PSMD9: variants seen among roughly 807,000 people sequenced by gnomAD.
PSMD9 encodes proteasome 26S subunit, non-ATPase 9.
In PSMD9, 26 loss-of-function variants were observed where a neutral mutation model predicts 25.9. That is an observed-to-expected ratio of 1.00 (90% CI 0.73 to 1.39). The LOEUF is 1.39. PSMD9 is among the 40% of genes most tolerant of loss of function. PSMD9 has a pLI of 0.00. For synonymous variants in PSMD9, 110 were observed against 114.5 expected, an observed-to-expected ratio of 0.96 and a Z score of 0.25; for missense variants, 303 against 299.3, an observed-to-expected ratio of 1.01 and a Z score of -0.09.
chr12:121,904,922 C>T (rs898787437), intron 4 of PSMD9, among the ~76,000 whole-genome samples: 11 of 151,444 alleles, frequency 7.3e-5, no homozygotes, highest in Admixed American at 2.0e-4. Context: ...TGAGCCACTG[C>T]GCCTGGTCTA....
chr12:121,906,753 G>A (rs887574007), intron 4 of PSMD9, among the ~76,000 whole-genome samples: 1 of 151,658 alleles, frequency 6.6e-6, no homozygotes, highest in African/African-American at 2.4e-5. Flanking sequence ...GGCAGAGGTT[G>A]CAGTGAACCA....
At chr12:121,907,266 C>T (rs1592947818) in intron 4 of PSMD9, among the ~76,000 whole-genome samples, 3 of 151,990 alleles carry the variant, frequency 2.0e-5, no homozygotes, top group Admixed American at 2.0e-4. Flanking sequence ...GATGGGGTTT[C>T]ACCATGTTGG....
At chr12:121,911,421 A>G (rs1322371515) in intron 4 of PSMD9, among the ~76,000 whole-genome samples, 1 of 152,202 alleles carries the variant, frequency 6.6e-6, no homozygotes, top group Non-Finnish European at 1.5e-5. Context: ...TAAAGGCTGT[A>G]TAATATTCGA....
At chr12:121,908,750 T>G (rs1181034981) in intron 4 of PSMD9, among the ~76,000 whole-genome samples, 1 of 151,824 alleles carries the variant, frequency 6.6e-6, no homozygotes, top group African/African-American at 2.4e-5. Flanking sequence ...ATTGAAGGAG[T>G]GTTCCTCAGG....
chr12:121,892,965 CAG>C (rs1290025747), intron 1 of PSMD9, among the ~76,000 whole-genome samples: 1 of 152,138 alleles, frequency 6.6e-6, no homozygotes, highest in African/African-American at 2.4e-5. Context: ...GTTATAAAAA[CAG>C]AGGGTACTAG....
chr12:121,904,543 C>T (rs1209331396), intron 4 of PSMD9, among the ~76,000 whole-genome samples: 1 of 150,936 alleles, frequency 6.6e-6, no homozygotes, highest in African/African-American at 2.5e-5. Context: ...CATTGCACTC[C>T]AGCCTAGGCG....
At chr12:121,899,585 G>A (rs1337771073) in intron 2 of PSMD9, 49 bp from the exon 3 acceptor site, 1 of 1,501,696 alleles carries the variant, frequency 6.7e-7, no homozygotes, top group Admixed American at 2.0e-5. Flanking sequence ...TAGGAGTCTT[G>A]TGTCCTCCAC....
intron 4 of PSMD9, among the ~76,000 whole-genome samples, chr12:121,907,525 A>C (rs1383497537): frequency 6.6e-6 from 1 of 152,132 alleles, no homozygotes; most frequent in Admixed American, 6.6e-5. Flanking sequence ...GGATTTCTAG[A>C]TCAAATGCAT....
chr12:121,905,265 G>T (rs1879520280), intron 4 of PSMD9, among the ~76,000 whole-genome samples: 1 of 149,300 alleles, frequency 6.7e-6, no homozygotes, highest in South Asian at 2.1e-4. Context: ...TGTCGCCCAG[G>T]CTGGAGTGCA....
chr12:121,893,641 C>T (rs970794520), intron 1 of PSMD9, among the ~76,000 whole-genome samples: 1 of 152,172 alleles, frequency 6.6e-6, no homozygotes, highest in African/African-American at 2.4e-5. Flanking sequence ...CCTTGGCCTA[C>T]AGCTGTGTCA....
At chr12:121,906,839 G>A (rs1204102761) in intron 4 of PSMD9, among the ~76,000 whole-genome samples, 1 of 150,116 alleles carries the variant, frequency 6.7e-6, no homozygotes, top group Non-Finnish European at 1.5e-5. Context: ...ATTAGGTGTG[G>A]TGGTACTCTC....
intron 2 of PSMD9, chr12:121,899,393 C>T (rs887622412): frequency 2.0e-6 from 1 of 499,402 alleles, no homozygotes; most frequent in Non-Finnish European, 3.6e-6. Context: ...GCAGACTTTG[C>T]TGCTGGCCAG....
At chr12:121,909,916 TGC>T (rs1565895073) in intron 4 of PSMD9, among the ~76,000 whole-genome samples, 33 of 152,194 alleles carry the variant, frequency 2.2e-4, no homozygotes, top group Admixed American at 2.0e-3. Context: ...TTAAAGGCAG[TGC>T]ACATTTACCC....
chr12:121,899,598 T>A, intron 2 of PSMD9, 36 bp from the exon 3 acceptor site: 1 of 1,548,894 alleles, frequency 6.5e-7, no homozygotes, highest in South Asian at 1.2e-5. Flanking sequence ...TCCTCCACTG[T>A]CTTCCTTGGC....
chr12:121,915,708 G>A (rs188394733), intron 4 of PSMD9, 148 bp from the exon 5 acceptor site: 110 of 703,744 alleles, frequency 1.6e-4, no homozygotes, highest in Middle Eastern at 3.9e-4. Flanking sequence ...GCAGTGCCAC[G>A]TTCCCCACCC....
intron 1 of PSMD9, among the ~76,000 whole-genome samples, 179 bp downstream of exon 1, chr12:121,889,173 A>G (rs1261628864): frequency 6.6e-6 from 1 of 152,244 alleles, no homozygotes; most frequent in Non-Finnish European, 1.5e-5. Flanking sequence ...TTAGCAACTG[A>G]AGAGTTAGCC....
chr12:121,912,156 C>T (rs1879745439), intron 4 of PSMD9, among the ~76,000 whole-genome samples: 1 of 151,910 alleles, frequency 6.6e-6, no homozygotes, highest in Non-Finnish European at 1.5e-5. Context: ...CCTCCCACCT[C>T]AGCCTTGAGA....
In PSMD9 at chr12:121,915,600, A is replaced by G. The variant is rs565581268; in HGVS notation, c.556-256A>G. ...GTATGTCATCTTGCAATTGTGTACT[A>G]TGTACCTTGGATGTACCTTTTAAAG... On this transcript the variant is annotated intron_variant, in intron 4 of 5. Coordinates refer to ENST00000541212, the MANE Select transcript of PSMD9 (RefSeq NM_002813.7). The G allele has an allele frequency of 3.5e-4, 168 of 483,348 alleles. 1 individual carries two copies. Among genetic ancestry groups the G allele is most frequent in the Non-Finnish European group, 1.7e-4 (46 of 272,434 alleles). 29.9% of individuals were successfully genotyped at this position (483,348 alleles called of 1,614,324 possible). A position where few individuals can be genotyped will look rare whatever the true frequency, so the allele number is the denominator to read the frequency against.
intron 3 of PSMD9, among the ~76,000 whole-genome samples, chr12:121,901,119 C>T (rs761246886): frequency 8.6e-5 from 13 of 152,018 alleles, no homozygotes; most frequent in Non-Finnish European, 1.8e-4. Context: ...GCCACCATGC[C>T]CAGCCATAAT....
Sources: gnomAD v4.1 joint callset for allele counts (sites outside exome capture counted in the v4.1 genomes callset) on GRCh38, gnomAD v4.1.1 for gene constraint, MANE v1.5 for transcripts, NCBI Gene and HGNC (gene_info 2026-07-23, HGNC 2026-07-21) for gene names.